VEGFC: variants seen among roughly 807,000 people sequenced by gnomAD.
VEGFC encodes the protein FLT4 ligand DHM.
Under a neutral mutation model 46.1 loss-of-function variants are expected in VEGFC, and 12 were observed. That is an observed-to-expected ratio of 0.26 (90% CI 0.17 to 0.42). The LOEUF (loss-of-function observed/expected upper bound fraction) is 0.42, where lower values mean the gene tolerates loss of function less well. Ranked by LOEUF, VEGFC falls within the 10% of genes least tolerant of loss-of-function variation. The probability of loss-of-function intolerance (pLI) is 1.00; values close to 1 mark genes in which losing one functional copy is unlikely to be tolerated. For synonymous variants in VEGFC, 232 were observed against 195.5 expected, an observed-to-expected ratio of 1.19 and a Z score of -1.56; for missense variants, 488 against 529.4, an observed-to-expected ratio of 0.92 and a Z score of 0.77.
intron 4 of VEGFC, 25 bp downstream of exon 4, chr4:176,711,474 A>G (rs181841068): frequency 2.8e-4 from 449 of 1,584,800 alleles, no homozygotes; most frequent in Non-Finnish European, 3.0e-4. Flanking sequence ...AGGATGCAGA[A>G]AAAATAGATT....
chr4:176,737,258 T>C (rs2111026670), intron 1 of VEGFC, among the ~76,000 whole-genome samples: 1 of 133,204 alleles, frequency 7.5e-6, no homozygotes, highest in East Asian at 2.3e-4. Context: ...ATGTTAAATG[T>C]TAATAAATAT....
chr4:176,786,227 C>A (rs988005131), intron 1 of VEGFC, among the ~76,000 whole-genome samples: 1 of 152,206 alleles, frequency 6.6e-6, no homozygotes, highest in African/African-American at 2.4e-5. Flanking sequence ...ACTAAAGAAT[C>A]TTCATTGGCT....
intron 3 of VEGFC, among the ~76,000 whole-genome samples, chr4:176,718,316 C>A (rs1734728427): frequency 2.0e-5 from 3 of 152,050 alleles, no homozygotes; most frequent in Non-Finnish European, 4.4e-5. Context: ...AATTAATCTT[C>A]CAGACTGCTG....
chr4:176,770,739 G>A (rs573783101), intron 1 of VEGFC, among the ~76,000 whole-genome samples: 1 of 152,020 alleles, frequency 6.6e-6, no homozygotes, highest in African/African-American at 2.4e-5. Context: ...AGAAGATTAG[G>A]ACACAGAGTT....
chr4:176,721,926 A>G (rs1055043007), intron 3 of VEGFC, among the ~76,000 whole-genome samples: 4 of 152,166 alleles, frequency 2.6e-5, no homozygotes, highest in Non-Finnish European at 2.9e-5. Context: ...TCTGCAGAGA[A>G]GGTGTCTTAG....
intron 3 of VEGFC, among the ~76,000 whole-genome samples, chr4:176,718,979 T>C (rs990309021): frequency 3.3e-5 from 5 of 152,292 alleles, no homozygotes; most frequent in African/African-American, 9.6e-5. Context: ...ATGAAAGAGG[T>C]TGAAAAGACA....
chr4:176,738,227 A>T (rs551519214), intron 1 of VEGFC, among the ~76,000 whole-genome samples: 1 of 152,216 alleles, frequency 6.6e-6, no homozygotes, highest in South Asian at 2.1e-4. Flanking sequence ...GAATCAAAAA[A>T]GAGCCCAGAT....
intron 1 of VEGFC, among the ~76,000 whole-genome samples, chr4:176,776,609 TAC>T (rs1191355965): frequency 6.6e-6 from 1 of 152,182 alleles, no homozygotes; most frequent in Non-Finnish European, 1.5e-5. Flanking sequence ...AGAAGAGTCG[TAC>T]AAGAGAACCA....
At chr4:176,786,661 ATCAC>A (rs1339830085) in intron 1 of VEGFC, among the ~76,000 whole-genome samples, 3 of 152,240 alleles carry the variant, frequency 2.0e-5, no homozygotes, top group Non-Finnish European at 2.9e-5. Flanking sequence ...TATAGACAAG[ATCAC>A]TCACTCTACA....
At chr4:176,772,279 T>C (rs1037925639) in intron 1 of VEGFC, among the ~76,000 whole-genome samples, 1 of 152,216 alleles carries the variant, frequency 6.6e-6, no homozygotes, top group Non-Finnish European at 1.5e-5. Context: ...AAGTTTTTCC[T>C]TTCTCTGTTA....
chr4:176,786,942 T>G lies in VEGFC; in HGVS notation c.147+5223A>C, dbSNP rs930996376. ...AATCCATCTGCTTATCCAAAATGCCTGGAGACTGCAAGAGTCTCTGAACCT... is the reference window on the plus strand; with the variant it reads ...AATCCATCTGCTTATCCAAAATGCCGGGAGACTGCAAGAGTCTCTGAACCT... On this transcript the variant is annotated intron_variant, in intron 1 of 6. Transcript: ENST00000618562. 3.9e-5 allele frequency among the ~76,000 whole-genome samples: 6 copies of G among 152,140 alleles called. No homozygotes were observed. In the South Asian group the frequency reaches 1.2e-3, roughly 31 times the overall value.
At chr4:176,753,382 G>A (rs1387211697) in intron 1 of VEGFC, among the ~76,000 whole-genome samples, 2 of 152,054 alleles carry the variant, frequency 1.3e-5, no homozygotes, top group Non-Finnish European at 2.9e-5. Context: ...GTCCATGGCA[G>A]CTGGAGTAAC....
intron 4 of VEGFC, among the ~76,000 whole-genome samples, chr4:176,704,304 T>C (rs189153978): frequency 2.6e-5 from 4 of 152,278 alleles, no homozygotes; most frequent in African/African-American, 9.6e-5. Flanking sequence ...ACTTGCTATA[T>C]TTCTTTTGGT....
chr4:176,766,764 T>C (rs143950183), intron 1 of VEGFC, among the ~76,000 whole-genome samples: 150 of 152,108 alleles, frequency 9.9e-4, no homozygotes, highest in South Asian at 4.4e-3. Context: ...ATATGCTAGG[T>C]TACCTAGTTA....
intron 1 of VEGFC, among the ~76,000 whole-genome samples, chr4:176,738,426 A>G (rs1188994661): frequency 6.6e-6 from 1 of 152,092 alleles, no homozygotes; most frequent in Admixed American, 6.6e-5. Context: ...ACTTTTGACA[A>G]ACCTGACAAA....
At chr4:176,732,349 T>G (rs1044232948) in intron 1 of VEGFC, among the ~76,000 whole-genome samples, 3 of 151,992 alleles carry the variant, frequency 2.0e-5, no homozygotes, top group Admixed American at 6.6e-5. Flanking sequence ...TTCAAGTTCA[T>G]TCTTTTAACA....
chr4:176,683,936 T>G lies in VEGFC; in HGVS notation c.1250A>C (p.Gln417Pro), dbSNP rs1560930753. ...GAAAACAGTACAATCTTAGCTCATT[T>G]GTGGTCTTTTCCAATATGAAGGGAC... ...RCVPSYWKRP[Q>P]MS The change falls in exon 7 of 7, where the codon CAA (glutamine) becomes CCA (proline). Residue 417 changes from glutamine to proline, a missense_variant. Gln to Pro is a moderately conservative substitution (Grantham distance 76, BLOSUM62 -1). Coordinates refer to ENST00000618562, the MANE Select transcript of VEGFC (RefSeq NM_005429.5). The G allele has an allele frequency of 6.2e-7, 1 of 1,612,778 alleles. No individual in the cohort carries two copies. Among genetic ancestry groups the G allele is most frequent in the East Asian group, 2.2e-5 (1 of 44,866 alleles).
chr4:176,757,282 T>C (rs1237233479), intron 1 of VEGFC, among the ~76,000 whole-genome samples: 1 of 152,030 alleles, frequency 6.6e-6, no homozygotes, highest in East Asian at 1.9e-4. Context: ...TTCAATTCCA[T>C]TTCAATTACA....
rs757456268 is a variant in VEGFC, at chr4:176,683,786, T to C, written c.*140A>G. On this transcript the variant is annotated 3_prime_UTR_variant, in exon 7 of 7. Coordinates refer to ENST00000618562, the MANE Select transcript of VEGFC (RefSeq NM_005429.5). ...TGAGCTCCAGTCCATTTCTGTAAAG[T>C]TATCCACATGGTTCAGGAAAGACAG... The C allele has an allele frequency of 1.6e-6, 1 of 638,102 alleles. No homozygotes were observed. The highest frequency in any genetic ancestry group is 2.7e-6 in the Non-Finnish European group (1 of 372,430). 39.5% of individuals were successfully genotyped at this position (638,102 alleles called of 1,614,324 possible). A position where few individuals can be genotyped will look rare whatever the true frequency, so the allele number is the denominator to read the frequency against.
Sources: gnomAD v4.1 joint callset for allele counts (sites outside exome capture counted in the v4.1 genomes callset) on GRCh38, gnomAD v4.1.1 for gene constraint, MANE v1.5 for transcripts, NCBI Gene and HGNC (gene_info 2026-07-23, HGNC 2026-07-21) for gene names.